Variants in PKHD1L1 observed in about 807,000 individuals in gnomAD.
PKHD1L1 encodes fibrocystin-L.
PKHD1L1 carries 434 observed loss-of-function variants against 462.9 expected under a neutral mutation model. The observed-to-expected ratio is 0.94, with a 90% CI of 0.87 to 1.02. The LOEUF is 1.02. PKHD1L1 is among the 50% of genes least tolerant of loss of function. The probability of loss-of-function intolerance (pLI) is 0.00; values close to 1 mark genes in which losing one functional copy is unlikely to be tolerated. For missense variants in PKHD1L1, 5,202 were observed against 5,096.1 expected, an observed-to-expected ratio of 1.02 and a Z score of -0.63; for synonymous variants, 1,781 against 1,750.0, an observed-to-expected ratio of 1.02 and a Z score of -0.44.
rs566795391 is a variant in PKHD1L1 at position 109,533,616 on chromosome 8, A to G, written c.*3526A>G. ...GTGGCATATTCTAGAAACTGACCTT[A>G]AAACATAGCTATTATGCATCCCTTT... On this transcript the variant is annotated 3_prime_UTR_variant, in exon 78 of 78. Transcript: ENST00000378402. Among the ~76,000 whole-genome samples, 40 of 152,332 alleles carry G rather than the reference A, an allele frequency of 2.6e-4. No homozygotes were observed. The highest frequency in any genetic ancestry group is 7.9e-4 in the African/African-American group (33 of 41,566).
intron 21 of PKHD1L1, among the ~76,000 whole-genome samples, chr8:109,415,987 C>A (rs1397935275): frequency 6.6e-6 from 1 of 150,436 alleles, no homozygotes; most frequent in Non-Finnish European, 1.5e-5. Context: ...AGATCCTGAG[C>A]ATATGGACCT....
In PKHD1L1 at chr8:109,389,096, A is replaced by G; in HGVS notation, c.641A>G (p.Asp214Gly). Residue 214 changes from aspartate to glycine, a missense_variant, in exon 8 of 78, where the codon GAT becomes GGT. Physicochemically the swap from Asp to Gly is moderately conservative, Grantham distance 94. Transcript: ENST00000378402. ...TTAATTAGATATGGTCTAAAACTGG[A>G]TCATCCAAATGGAGATATGGGTTCT... ...QSDNLYGLKL[D>G]HPNGDMGSMV... 6.2e-7 allele frequency: 1 copy of G among 1,609,040 alleles called. No individual in the cohort carries two copies. The highest frequency in any genetic ancestry group is 8.5e-7 in the Non-Finnish European group (1 of 1,176,408).
At chr8:109,454,366 G>T (rs963594548) in intron 44 of PKHD1L1, 120 bp downstream of exon 44, 12 of 717,462 alleles carry the variant, frequency 1.7e-5, no homozygotes, top group Admixed American at 3.3e-5. Context: ...CTTTGTTTAG[G>T]TCTCTGTTAT....
chr8:109,499,806 G>T (rs1444039681), intron 67 of PKHD1L1, among the ~76,000 whole-genome samples: 1 of 152,168 alleles, frequency 6.6e-6, no homozygotes, highest in African/African-American at 2.4e-5. Flanking sequence ...AAGGGAAGTT[G>T]CTAAGCAAGG....
Position 109,449,370 on chromosome 8 carries a change from A to T in PKHD1L1, c.6058A>T (p.Thr2020Ser). 1 of 1,580,628 alleles carries T rather than the reference A, an allele frequency of 6.3e-7. No individual in the cohort carries two copies. Among genetic ancestry groups the T allele is most frequent in the Non-Finnish European group, 8.6e-7 (1 of 1,161,758 alleles). Residue 2020 changes from threonine to serine, a missense_variant, in exon 40 of 78, where the codon ACA (threonine) becomes TCA (serine). By Grantham distance (58) the Thr-to-Ser change is moderately conservative. Transcript: ENST00000378402. ...SFGGGQTMTV[T>S]GTGFNPQNSI... is the part of the protein sequence containing the mutation. ...TGGTGGGGGTCAAACCATGACTGTG[A>T]CAGGCACCGGATTTAATCCACAAAA...
intron 34 of PKHD1L1, 141 bp downstream of exon 34, chr8:109,441,520 A>G: frequency 3.2e-6 from 2 of 621,106 alleles, no homozygotes; most frequent in Non-Finnish European, 5.4e-6. Context: ...TAACTGCTTG[A>G]CATAGAGGGT....
chr8:109,414,029 C>T (rs1167834287), intron 21 of PKHD1L1, among the ~76,000 whole-genome samples: 1 of 151,982 alleles, frequency 6.6e-6, no homozygotes, highest in Non-Finnish European at 1.5e-5. Flanking sequence ...ACAAAATAAA[C>T]CTAGAGAAGC....
At position 109,464,947 on chromosome 8, in the gene PKHD1L1, A is replaced by G. The variant is rs1054863142; in HGVS notation, c.8115A>G (p.Lys2705=). ...GWGETNGAVI[K]NAKIVGHLDE... is the part of the protein sequence containing the mutation. ...GTGAAACCAATGGAGCGGTGATTAA[A>G]AATGCCAAAATAGTCGGCCATCTTG... The change falls in exon 49 of 78, where the codon AAA becomes AAG. Residue 2705 remains lysine (K), a synonymous_variant. Transcript: ENST00000378402. 6 of 1,613,844 alleles carry G rather than the reference A, an allele frequency of 3.7e-6. No homozygotes were observed. The highest frequency in any genetic ancestry group is 5.1e-6 in the Non-Finnish European group (6 of 1,179,804).
chr8:109,451,179 G>T (rs764232905), intron 41 of PKHD1L1, 30 bp downstream of exon 41: 25 of 1,563,902 alleles, frequency 1.6e-5, no homozygotes, highest in Middle Eastern at 4.2e-4. Context: ...ACGCATCATT[G>T]TGCATTTCCA....
intron 33 of PKHD1L1, 40 bp from the exon 34 acceptor site, chr8:109,441,235 T>A (rs746693142): frequency 7.4e-7 from 1 of 1,345,950 alleles, no homozygotes; most frequent in South Asian, 1.5e-5. Context: ...TTTGACAAAA[T>A]GTTTGCTTTT....
rs145408242 is a variant in PKHD1L1, at chr8:109,412,334, C to A, written c.2155C>A (p.Pro719Thr). Reference sequence around the variant, plus strand: ...CTGTGGTCGTTATTCCCTGAAAAACCCAGCTGTTCTTTTTGACTCAGCAGA... The same window carrying A: ...CTGTGGTCGTTATTCCCTGAAAAACACAGCTGTTCTTTTTGACTCAGCAGA... Reference protein sequence around the residue: ...AYCGRYSLKNPAVLFDSADVK... With the variant: ...AYCGRYSLKNTAVLFDSADVK... The change falls in exon 20 of 78, where the codon CCA becomes ACA. Residue 719 changes from proline to threonine, a missense_variant. Physicochemically the swap from Pro to Thr is conservative, Grantham distance 38 (BLOSUM62 -1). Coordinates refer to ENST00000378402, the MANE Select transcript of PKHD1L1 (RefSeq NM_177531.6). The A allele has an allele frequency of 8.9e-5, 144 of 1,613,664 alleles. No individual in the cohort carries two copies. Among genetic ancestry groups the A allele is most frequent in the Middle Eastern group, 4.9e-4 (3 of 6,062 alleles).
At chr8:109,383,665 C>T (rs1812288071) in intron 4 of PKHD1L1, among the ~76,000 whole-genome samples, 1 of 151,436 alleles carries the variant, frequency 6.6e-6, no homozygotes, top group African/African-American at 2.4e-5. Flanking sequence ...ATATCTCTGG[C>T]TTTCTTCTGT....
rs193259586 is a variant in PKHD1L1, at chr8:109,470,969, C to T, written c.8606-4149C>T. ...CAGTGGGGAGTTCCTCTTTAACAAG[C>T]AGCTCGAGTCCATAGGCATCCCGCA... On this transcript the variant is annotated intron_variant, in intron 50 of 77. Transcript: ENST00000378402. 629 of 1,610,550 alleles carry T rather than the reference C, an allele frequency of 3.9e-4. 5 individuals carry two copies. The African/African-American group carries it at 7.4e-3, about 19-fold the overall frequency.
chr8:109,389,851 T>TC (rs1261068243), intron 8 of PKHD1L1, among the ~76,000 whole-genome samples: 2 of 152,092 alleles, frequency 1.3e-5, no homozygotes, highest in African/African-American at 2.4e-5. Flanking sequence ...TGAATGGGCT[T>TC]CCCTCTCTTC....
In PKHD1L1 at chr8:109,531,212, G is replaced by C. The variant is rs1821032908; in HGVS notation, c.*1122G>C. On this transcript the variant is annotated 3_prime_UTR_variant, in exon 78 of 78. Coordinates refer to ENST00000378402, the MANE Select transcript of PKHD1L1 (RefSeq NM_177531.6). ...GTACATTCACCTCAGATCATTGTTA[G>C]TCTTACTTAGCAGAAAATGTATAAA... Among the ~76,000 whole-genome samples the C allele has an allele frequency of 6.6e-6, 1 of 152,164 alleles. No individual in the cohort carries two copies. The highest frequency in any genetic ancestry group is 1.9e-4 in the East Asian group (1 of 5,198).
At chr8:109,491,841 G>T (rs746793536) in intron 61 of PKHD1L1, 32 bp from the exon 62 acceptor site, 1 of 1,525,202 alleles carries the variant, frequency 6.6e-7, no homozygotes, top group South Asian at 1.2e-5. Flanking sequence ...GTTTTTTGGG[G>T]ATTTTCTTTC....
At chr8:109,439,661 A>G (rs929329725) in intron 32 of PKHD1L1, among the ~76,000 whole-genome samples, 97 of 152,144 alleles carry the variant, frequency 6.4e-4, no homozygotes, top group Non-Finnish European at 3.2e-4. Context: ...GAGATGATGC[A>G]GAGAGTCTTT....
Position 109,518,423 on chromosome 8 carries a change from T to C in PKHD1L1, c.11946T>C (p.Ser3982=), listed in dbSNP as rs536270817. The change falls in exon 73 of 78, where the codon AGT becomes AGC. Residue 3982 remains serine, a synonymous_variant. Coordinates refer to ENST00000378402, the MANE Select transcript of PKHD1L1 (RefSeq NM_177531.6). ...GTATCAGCAAAATAAGAGGGAAGAGTCTGAGGAGGAAGAGATCCATGGGAT... is the reference window on the plus strand; with the variant it reads ...GTATCAGCAAAATAAGAGGGAAGAGCCTGAGGAGGAAGAGATCCATGGGAT... The part of the protein sequence containing the change: ...KIRISKIRGK[S]LRRKRSMGFI... The C allele has an allele frequency of 1.2e-5, 19 of 1,612,064 alleles. No homozygotes were observed. In the Middle Eastern group the frequency reaches 4.9e-4, roughly 42 times the overall value.
chr8:109,412,275 A>T lies in PKHD1L1; in HGVS notation c.2096A>T (p.Asn699Ile). The T allele has an allele frequency of 6.2e-7, 1 of 1,613,450 alleles. No individual in the cohort carries two copies. ...YETDFNLEHI[N>I]RGQKTAETDA... Reference sequence around the variant, plus strand: ...TTATTGTTTCGGTAGGAACATATTAACAGAGGGCAGAAGACAGCTGAAACC... The same window carrying T: ...TTATTGTTTCGGTAGGAACATATTATCAGAGGGCAGAAGACAGCTGAAACC... Residue 699 changes from asparagine to isoleucine, a missense_variant, in exon 20 of 78, where the codon AAC becomes ATC. By Grantham distance (149) the Asn-to-Ile change is moderately radical. Transcript: ENST00000378402.
Sources: allele counts gnomAD v4.1 joint callset (sites outside exome capture counted in the v4.1 genomes callset), GRCh38; gene constraint gnomAD v4.1.1; transcripts MANE v1.5; gene names NCBI Gene and HGNC (gene_info 2026-07-23, HGNC 2026-07-21).